TSHZ2: variants seen among roughly 807,000 people sequenced by gnomAD.
TSHZ2 encodes the protein teashirt zinc finger homeobox 2, also known as teashirt homolog 2.
A neutral mutation model predicts 74.4 loss-of-function variants in TSHZ2; 21 were observed. That is an observed-to-expected ratio of 0.28 (90% CI 0.20 to 0.41). The LOEUF (loss-of-function observed/expected upper bound fraction) is 0.41, where lower values mean the gene tolerates loss of function less well. TSHZ2 is among the 10% of genes least tolerant of loss of function. The pLI is 1.00. For synonymous variants in TSHZ2, 540 were observed against 515.3 expected (o/e 1.05, Z -0.65); for missense variants, 1,244 against 1,293.5 (o/e 0.96, Z 0.59).
intron 2 of TSHZ2, among the ~76,000 whole-genome samples, chr20:53,448,674 A>C (rs754159237): frequency 3.3e-5 from 5 of 152,190 alleles, no homozygotes; most frequent in African/African-American, 4.8e-5. Context: ...AGCTTCTGTT[A>C]AGTAGGAGGC....
At chr20:53,240,736 T>TAGATAGATAGAC (rs1990045762) in intron 1 of TSHZ2, among the ~76,000 whole-genome samples, 1 of 151,310 alleles carries the variant, frequency 6.6e-6, no homozygotes, top group African/African-American at 2.4e-5. Context: ...GATAGATAGA[T>TAGATAGATAGAC]AGATAGATAG....
At chr20:53,268,648 G>T (rs1287472197) in intron 2 of TSHZ2, among the ~76,000 whole-genome samples, 2 of 152,130 alleles carry the variant, frequency 1.3e-5, no homozygotes, top group African/African-American at 4.8e-5. Flanking sequence ...ACAACAAATG[G>T]TTATTTTAAA....
intron 1 of TSHZ2, among the ~76,000 whole-genome samples, chr20:53,166,546 G>A (rs759019115): frequency 1.2e-4 from 18 of 152,168 alleles, no homozygotes; most frequent in Non-Finnish European, 2.4e-4. Flanking sequence ...TGAGGTGGGT[G>A]GATCACTTGA....
chr20:53,123,152 T>C (rs948885539), intron 1 of TSHZ2, among the ~76,000 whole-genome samples: 1 of 152,194 alleles, frequency 6.6e-6, no homozygotes, highest in African/African-American at 2.4e-5. Context: ...CAGTAGGTAT[T>C]GTCTCATCTA....
At chr20:53,035,853 A>C (rs774566618) in intron 1 of TSHZ2, among the ~76,000 whole-genome samples, 13 of 152,228 alleles carry the variant, frequency 8.5e-5, no homozygotes, top group Non-Finnish European at 1.5e-4. Flanking sequence ...AAAGATTAGA[A>C]GTGCACATCA....
chr20:53,016,573 C>A lies in TSHZ2; in HGVS notation c.40+43240C>A, dbSNP rs565726414. 2.0e-5 allele frequency among the ~76,000 whole-genome samples: 3 copies of A among 152,240 alleles called. No individual in the cohort carries two copies. The East Asian group carries it at 5.8e-4, about 29-fold the overall frequency. ...CTGCAAATTATGAGCATTCCTGGTC[C>A]ACAGAGAAATGGTTTTTCCTTTTTA... On this transcript the variant is annotated intron_variant, in intron 1 of 2. Coordinates refer to ENST00000371497, the MANE Select transcript of TSHZ2 (RefSeq NM_173485.6).
chr20:53,006,458 A>G (rs1316047569), intron 1 of TSHZ2, among the ~76,000 whole-genome samples: 2 of 152,226 alleles, frequency 1.3e-5, no homozygotes, highest in Non-Finnish European at 2.9e-5. Context: ...GAAGCACATG[A>G]CCAAGATAAA....
intron 2 of TSHZ2, among the ~76,000 whole-genome samples, chr20:53,263,975 A>T (rs1990657062): frequency 6.6e-6 from 1 of 152,162 alleles, no homozygotes; most frequent in Non-Finnish European, 1.5e-5. Flanking sequence ...TGAGAATGAA[A>T]CCAGAAAATT....
At chr20:53,148,374 A>G (rs1312256550) in intron 1 of TSHZ2, among the ~76,000 whole-genome samples, 3 of 152,208 alleles carry the variant, frequency 2.0e-5, no homozygotes, top group African/African-American at 7.2e-5. Flanking sequence ...TAAGCTTCCC[A>G]CAGTGCACAG....
intron 2 of TSHZ2, among the ~76,000 whole-genome samples, chr20:53,370,972 T>C (rs947193114): frequency 2.0e-5 from 3 of 152,162 alleles, no homozygotes; most frequent in Non-Finnish European, 1.5e-5. Flanking sequence ...CTGAAGATGC[T>C]AGGGATGAGC....
chr20:53,284,605 C>T (rs530992149), intron 2 of TSHZ2, among the ~76,000 whole-genome samples: 7 of 152,112 alleles, frequency 4.6e-5, no homozygotes, highest in Non-Finnish European at 8.8e-5. Context: ...GTTTGTTTCC[C>T]CCTGTGGCCC....
intron 1 of TSHZ2, among the ~76,000 whole-genome samples, chr20:53,058,700 C>A (rs1460624862): frequency 6.6e-6 from 1 of 152,176 alleles, no homozygotes; most frequent in Non-Finnish European, 1.5e-5. Flanking sequence ...GGCTGAGTTT[C>A]TTTAGTTTAT....
At chr20:53,456,216 G>C (rs1985070930) in intron 2 of TSHZ2, among the ~76,000 whole-genome samples, 2 of 150,004 alleles carry the variant, frequency 1.3e-5, no homozygotes, top group African/African-American at 4.8e-5. Flanking sequence ...ATCCTCTCCA[G>C]CACCTGTTGT....
intron 2 of TSHZ2, among the ~76,000 whole-genome samples, chr20:53,442,971 G>A (rs1237769151): frequency 1.3e-5 from 2 of 152,156 alleles, no homozygotes; most frequent in African/African-American, 4.8e-5. Flanking sequence ...TTTGTGTGCA[G>A]GAACTGGATG....
intron 2 of TSHZ2, among the ~76,000 whole-genome samples, chr20:53,323,889 C>G (rs989497574): frequency 2.6e-5 from 4 of 152,006 alleles, no homozygotes; most frequent in African/African-American, 9.7e-5. Context: ...CCTCGGAGGG[C>G]TTTATTACAT....
At chr20:53,380,164 G>GTGCA (rs1555856794) in intron 2 of TSHZ2, among the ~76,000 whole-genome samples, 3 of 107,918 alleles carry the variant, frequency 2.8e-5, no homozygotes, top group Admixed American at 8.2e-5. Context: ...GTGTGTGTGT[G>GTGCA]CACACGCATG....
At chr20:53,374,986 T>C (rs915232329) in intron 2 of TSHZ2, among the ~76,000 whole-genome samples, 3 of 151,876 alleles carry the variant, frequency 2.0e-5, no homozygotes, top group Admixed American at 6.6e-5. Flanking sequence ...CATGAAACTA[T>C]AGTTTTTATG....
intron 2 of TSHZ2, among the ~76,000 whole-genome samples, chr20:53,281,669 T>G (rs2145437345): frequency 6.6e-6 from 1 of 152,252 alleles, no homozygotes; most frequent in Middle Eastern, 3.4e-3. Flanking sequence ...TCCTGGGCTA[T>G]TAAACCTATT....
chr20:53,346,719 A>C (rs1383323611), intron 2 of TSHZ2, among the ~76,000 whole-genome samples: 1 of 152,222 alleles, frequency 6.6e-6, no homozygotes, highest in Non-Finnish European at 1.5e-5. Context: ...GTCTCAAATT[A>C]AAACAGAGAA....
Sources: gnomAD v4.1 joint callset for allele counts (sites outside exome capture counted in the v4.1 genomes callset) on GRCh38, gnomAD v4.1.1 for gene constraint, MANE v1.5 for transcripts, NCBI Gene and HGNC (gene_info 2026-07-23, HGNC 2026-07-21) for gene names.